CALN1: variants seen among roughly 807,000 people sequenced by gnomAD.
The protein encoded by CALN1 is calcium-binding protein 8.
A neutral mutation model predicts 30.6 loss-of-function variants in CALN1; 17 were observed. The observed-to-expected ratio is 0.56, with a 90% CI of 0.38 to 0.83. The LOEUF (loss-of-function observed/expected upper bound fraction) is 0.83, where lower values mean the gene tolerates loss of function less well. Ranked by LOEUF, CALN1 falls within the 40% of genes least tolerant of loss-of-function variation. The pLI is 0.00. For missense variants in CALN1, 291 were observed against 354.9 expected, an observed-to-expected ratio of 0.82 and a Z score of 1.45; for synonymous variants, 156 against 131.4, an observed-to-expected ratio of 1.19 and a Z score of -1.28.
Position 72,049,548 on chromosome 7 carries a change from C to T in CALN1, c.389-25779G>A, listed in dbSNP as rs531924915. On this transcript the variant is annotated intron_variant, in intron 4 of 6. Transcript: ENST00000395275. ...TAGAGATGAAATTTCACTCTTGTTGCCCAGTCTGGAGTGCAGTGGCACCAT... is the reference window on the plus strand; with the variant it reads ...TAGAGATGAAATTTCACTCTTGTTGTCCAGTCTGGAGTGCAGTGGCACCAT... Among the ~76,000 whole-genome samples the T allele has an allele frequency of 1.3e-5, 2 of 152,314 alleles. 1 individual carries two copies. The highest frequency in any genetic ancestry group is 4.1e-4 in the South Asian group (2 of 4,826).
At chr7:72,250,134 T>G (rs1462308452) in intron 3 of CALN1, among the ~76,000 whole-genome samples, 1 of 152,178 alleles carries the variant, frequency 6.6e-6, no homozygotes, top group Admixed American at 6.5e-5. Context: ...CTCCCCAAAA[T>G]TATCTGAAAA....
chr7:72,362,356 T>C (rs1803623123), intron 2 of CALN1, among the ~76,000 whole-genome samples: 2 of 152,152 alleles, frequency 1.3e-5, no homozygotes, highest in African/African-American at 4.8e-5. Context: ...GTAGCTTACA[T>C]ATTTCTCAAG....
At chr7:72,412,380 C>G (rs1053873851), upstream of CALN1, 1 of 152,138 alleles carries the variant, frequency 6.6e-6, no homozygotes, top group Non-Finnish European at 1.5e-5. Context: ...TCTTATTCAG[C>G]CCTGCCCATG....
At chr7:72,134,001 G>A (rs1369684292) in intron 3 of CALN1, among the ~76,000 whole-genome samples, 2 of 152,148 alleles carry the variant, frequency 1.3e-5, no homozygotes, top group Admixed American at 6.5e-5. Flanking sequence ...CATTGTGGTG[G>A]CATTAAAAGG....
chr7:71,787,723 C>G lies in CALN1; in HGVS notation c.*52G>C. 6.2e-7 allele frequency: 1 copy of G among 1,603,244 alleles called. No individual in the cohort carries two copies. The highest frequency in any genetic ancestry group is 1.1e-5 in the South Asian group (1 of 90,094). Reference sequence around the variant, plus strand: ...TGTGTGGAGGAAGAGTCTGCCCGCACGGCATGCACATGCGCGGTGAGCTGC... The same window carrying G: ...TGTGTGGAGGAAGAGTCTGCCCGCAGGGCATGCACATGCGCGGTGAGCTGC... On this transcript the variant is annotated 3_prime_UTR_variant, in exon 7 of 7. Transcript: ENST00000395275.
intron 5 of CALN1, among the ~76,000 whole-genome samples, chr7:71,849,298 T>A (rs1790500941): frequency 6.6e-6 from 1 of 152,182 alleles, no homozygotes. Context: ...AATTCCCACG[T>A]AGACCTGGGC....
intron 5 of CALN1, among the ~76,000 whole-genome samples, chr7:71,815,098 G>T (rs140589358): frequency 6.6e-6 from 1 of 152,056 alleles, no homozygotes; most frequent in African/African-American, 2.4e-5. Context: ...CTCCCAAAGT[G>T]CTGGGATTAC....
At chr7:72,412,025 G>A (rs541780548) in intron 1 of CALN1, 33 bp downstream of exon 1, 11 of 152,292 alleles carry the variant, frequency 7.2e-5, no homozygotes, top group African/African-American at 2.6e-4. Flanking sequence ...GCATGCAGCT[G>A]AGCCCACCAT....
At chr7:72,107,046 GAGGA>G (rs1807223474) in intron 3 of CALN1, among the ~76,000 whole-genome samples, 1 of 147,874 alleles carries the variant, frequency 6.8e-6, no homozygotes, top group African/African-American at 2.5e-5. Flanking sequence ...AAGAAAGAAG[GAGGA>G]AGGGAGGGAG....
At chr7:72,090,555 T>C (rs1342100815) in intron 4 of CALN1, among the ~76,000 whole-genome samples, 1 of 152,056 alleles carries the variant, frequency 6.6e-6, no homozygotes, top group Non-Finnish European at 1.5e-5. Flanking sequence ...AAGTAATCTA[T>C]TGAAGTAGCT....
At chr7:72,461,387 A>G in the CALN1 span, among the ~76,000 whole-genome samples, 3 of 152,224 alleles carry the variant, frequency 2.0e-5, no homozygotes, top group Admixed American at 2.0e-4. Context: ...GCACCATAGC[A>G]AAGACATGGA....
intron 2 of CALN1, among the ~76,000 whole-genome samples, chr7:72,342,853 T>C (rs1045628912): frequency 6.6e-6 from 1 of 151,478 alleles, no homozygotes; most frequent in Non-Finnish European, 1.5e-5. Context: ...TAGGTAGAAG[T>C]AGAAAAAAAA....
At chr7:72,414,082 C>T (rs374753727), upstream of CALN1, among the ~76,000 whole-genome samples, 5 of 152,082 alleles carry the variant, frequency 3.3e-5, no homozygotes, top group East Asian at 1.9e-4. Context: ...ACCGTATCTT[C>T]CCATCACCCT....
intron 3 of CALN1, among the ~76,000 whole-genome samples, chr7:72,180,219 A>G (rs1452705896): frequency 6.6e-6 from 1 of 152,178 alleles, no homozygotes; most frequent in Non-Finnish European, 1.5e-5. Context: ...CTTTGAATAG[A>G]TTCATATTCA....
At chr7:72,384,669 T>C (rs1282832424) in intron 2 of CALN1, among the ~76,000 whole-genome samples, 4 of 150,888 alleles carry the variant, frequency 2.7e-5, no homozygotes, top group Non-Finnish European at 5.9e-5. Flanking sequence ...AAAAGCAAAA[T>C]GGATCATAGG....
chr7:71,984,410 T>G lies in CALN1; in HGVS notation c.501+39247A>C, dbSNP rs548900537. On this transcript the variant is annotated intron_variant, in intron 5 of 6. Coordinates refer to ENST00000395275, the MANE Select transcript of CALN1 (RefSeq NM_031468.4). ...AAATAAACGGTAATTTGAAGAGAGA[T>G]GTAGTGTATCATCCTTCAAAGTCAC... Among the ~76,000 whole-genome samples, 6 of 152,274 alleles carry G rather than the reference T, an allele frequency of 3.9e-5. No homozygotes were observed. The South Asian group carries it at 1.2e-3, about 32-fold the overall frequency.
At chr7:72,439,536 A>C (rs1208274855) in intron 1 of CALN1, among the ~76,000 whole-genome samples, 1 of 152,136 alleles carries the variant, frequency 6.6e-6, no homozygotes, top group African/African-American at 2.4e-5. Flanking sequence ...ACTATTCATT[A>C]AGTGGGAGTG....
chr7:72,179,305 T>A (rs1789587830), intron 3 of CALN1, among the ~76,000 whole-genome samples: 1 of 152,224 alleles, frequency 6.6e-6, no homozygotes, highest in African/African-American at 2.4e-5. Flanking sequence ...TGCTTGAGAT[T>A]AAAAGTTCTT....
intron 2 of CALN1, among the ~76,000 whole-genome samples, chr7:72,348,613 A>G (rs1443047589): frequency 6.6e-6 from 1 of 152,246 alleles, no homozygotes; most frequent in Non-Finnish European, 1.5e-5. Flanking sequence ...AGACGTAAGA[A>G]AGAACTGGAA....
Sources: allele counts gnomAD v4.1 joint callset (sites outside exome capture counted in the v4.1 genomes callset), GRCh38; gene constraint gnomAD v4.1.1; transcripts MANE v1.5; gene names NCBI Gene and HGNC (gene_info 2026-07-23, HGNC 2026-07-21).